The following SCMH1 variants were observed in gnomAD, a reference collection of about 807,000 sequenced individuals.
The protein encoded by SCMH1 is polycomb protein SCMH1.
Under a neutral mutation model 70.8 loss-of-function variants are expected in SCMH1, and 37 were observed. The observed-to-expected ratio is 0.52, with a 90% CI of 0.40 to 0.69. The LOEUF is 0.69. SCMH1 is among the 30% of genes least tolerant of loss of function. The probability of loss-of-function intolerance (pLI) is 0.00; values close to 1 mark genes in which losing one functional copy is unlikely to be tolerated. For missense variants in SCMH1, 607 were observed against 827.3 expected, an observed-to-expected ratio of 0.73 and a Z score of 3.27; for synonymous variants, 292 against 307.4, an observed-to-expected ratio of 0.95 and a Z score of 0.52.
At chr1:41,085,985 T>C (rs1232858214) in intron 8 of SCMH1, among the ~76,000 whole-genome samples, 1 of 151,504 alleles carries the variant, frequency 6.6e-6, no homozygotes, top group Non-Finnish European at 1.5e-5. Flanking sequence ...GGATTACAGG[T>C]ACCCACCGCC....
chr1:41,152,447 T>C, intron 4 of SCMH1: 1 of 822,756 alleles, frequency 1.2e-6, no homozygotes, highest in Non-Finnish European at 1.9e-6. Context: ...AACACTGTCC[T>C]AGATAAACAA....
intron 5 of SCMH1, among the ~76,000 whole-genome samples, chr1:41,145,362 G>A (rs577518946): frequency 6.6e-6 from 1 of 152,120 alleles, no homozygotes; most frequent in Non-Finnish European, 1.5e-5. Flanking sequence ...GTCAAAAATC[G>A]ATCGATCATA....
chr1:41,185,235 A>T (rs1649849153), intron 2 of SCMH1, among the ~76,000 whole-genome samples: 2 of 152,222 alleles, frequency 1.3e-5, no homozygotes, highest in Admixed American at 1.3e-4. Context: ...TAAGGATTAA[A>T]AAAAACAACA....
At chr1:41,040,819 G>A (rs1167918575) in intron 12 of SCMH1, among the ~76,000 whole-genome samples, 3 of 152,090 alleles carry the variant, frequency 2.0e-5, no homozygotes, top group South Asian at 2.1e-4. Context: ...AGCTGAGATC[G>A]TGCCATTGCA....
intron 6 of SCMH1, among the ~76,000 whole-genome samples, chr1:41,140,030 G>A (rs1350377532): frequency 6.6e-6 from 1 of 152,026 alleles, no homozygotes; most frequent in Admixed American, 6.5e-5. Flanking sequence ...CTTATTAAGG[G>A]TATTTTTCTT....
intron 5 of SCMH1, among the ~76,000 whole-genome samples, chr1:41,148,206 T>C (rs545935295): frequency 1.3e-5 from 2 of 152,346 alleles, no homozygotes; most frequent in East Asian, 1.9e-4. Flanking sequence ...GCCTTTGTGC[T>C]ACTCTTATCA....
intron 1 of SCMH1, among the ~76,000 whole-genome samples, chr1:41,222,385 A>T (rs993080679): frequency 2.6e-5 from 4 of 152,226 alleles, no homozygotes; most frequent in African/African-American, 9.6e-5. Flanking sequence ...AAACAAAATC[A>T]AACACTGGAT....
At chr1:41,116,519 A>G (rs1388613528) in intron 7 of SCMH1, among the ~76,000 whole-genome samples, 1 of 152,262 alleles carries the variant, frequency 6.6e-6, no homozygotes, top group Non-Finnish European at 1.5e-5. Context: ...TACATGAGAT[A>G]GTATATATAA....
At position 41,077,505 on chromosome 1, in the gene SCMH1, T is replaced by C. The variant is rs137917625; in HGVS notation, c.746-2054A>G. 3.3e-3 allele frequency among the ~76,000 whole-genome samples: 506 copies of C among 152,290 alleles called. 5 individuals are homozygous for C. The highest frequency in any genetic ancestry group is 3.8e-3 in the Non-Finnish European group (261 of 68,020). On this transcript the variant is annotated intron_variant, in intron 8 of 14. Transcript: ENST00000337495. ...GAGATAAGGTTCCACTAGAAGTAGG[T>C]AGTATACCCCAAATACATGGCTGAT... is the stretch of plus-strand genomic sequence containing the variant.
At chr1:41,207,453 C>A (rs1655827866) in intron 1 of SCMH1, among the ~76,000 whole-genome samples, 1 of 152,132 alleles carries the variant, frequency 6.6e-6, no homozygotes, top group South Asian at 2.1e-4. Flanking sequence ...AAGGCCATTA[C>A]ATAATGGTAA....
rs180699577 is a variant in SCMH1 at position 41,136,401 on chromosome 1, C to T, written c.412+6477G>A. On this transcript the variant is annotated intron_variant, in intron 6 of 14. Coordinates refer to ENST00000337495, the Ensembl canonical transcript of SCMH1. ...TTCTTTCTTTTTTTTTTTTTTGAGA[C>T]GGAGTCTCACTCTGTTGCCAGGCTG... Among the ~76,000 whole-genome samples the T allele has an allele frequency of 2.6e-4, 37 of 144,050 alleles. No individual in the cohort carries two copies. The East Asian group carries it at 4.3e-3, about 17-fold the overall frequency. The allele number at this position is 144,050 out of a possible 152,430, so 94.5% of individuals were successfully genotyped here.
chr1:41,101,687 G>GC (rs1199752032), intron 8 of SCMH1, among the ~76,000 whole-genome samples: 1 of 151,400 alleles, frequency 6.6e-6, no homozygotes, highest in Non-Finnish European at 1.5e-5. Flanking sequence ...CAAGTCCGCT[G>GC]TTTTTTTCAA....
At chr1:41,052,221 G>A (rs1320327225) in intron 10 of SCMH1, among the ~76,000 whole-genome samples, 1 of 152,200 alleles carries the variant, frequency 6.6e-6, no homozygotes, top group African/African-American at 2.4e-5. Flanking sequence ...CAATACGGGG[G>A]TCTACAGCCT....
At chr1:41,204,016 A>G (rs1654960329) in intron 1 of SCMH1, among the ~76,000 whole-genome samples, 2 of 152,288 alleles carry the variant, frequency 1.3e-5, no homozygotes, top group South Asian at 4.1e-4. Context: ...AGCTGGTCTC[A>G]GCAATGTTGT....
intron 1 of SCMH1, among the ~76,000 whole-genome samples, chr1:41,237,579 G>A (rs1390203124): frequency 6.6e-6 from 1 of 152,048 alleles, no homozygotes; most frequent in Non-Finnish European, 1.5e-5. Context: ...CAATGCCCCA[G>A]CCCATCTCTC....
chr1:41,153,324 A>G (rs1465870962), intron 4 of SCMH1, among the ~76,000 whole-genome samples: 1 of 152,184 alleles, frequency 6.6e-6, no homozygotes, highest in Non-Finnish European at 1.5e-5. Flanking sequence ...TAAGAAACTA[A>G]ATTTTTTAAA....
At chr1:41,177,323 A>G (rs1247170303) in intron 2 of SCMH1, among the ~76,000 whole-genome samples, 1 of 152,232 alleles carries the variant, frequency 6.6e-6, no homozygotes, top group African/African-American at 2.4e-5. Flanking sequence ...AACTCTAAAA[A>G]TCAGAGCGCC....
intron 7 of SCMH1, among the ~76,000 whole-genome samples, chr1:41,116,072 T>C (rs750960197): frequency 6.6e-6 from 1 of 152,264 alleles, no homozygotes; most frequent in Non-Finnish European, 1.5e-5. Flanking sequence ...AGTTTTCTTC[T>C]ATTTTCCCCC....
At chr1:41,197,507 G>T (rs949467510) in intron 1 of SCMH1, among the ~76,000 whole-genome samples, 3 of 152,220 alleles carry the variant, frequency 2.0e-5, no homozygotes, top group Non-Finnish European at 4.4e-5. Context: ...TATAGAGATG[G>T]AAAGTTAAAT....
Sources: gnomAD v4.1 joint callset for allele counts (sites outside exome capture counted in the v4.1 genomes callset) on GRCh38, gnomAD v4.1.1 for gene constraint, MANE v1.5 for transcripts, NCBI Gene and HGNC (gene_info 2026-07-23, HGNC 2026-07-21) for gene names.